METTL22: variants seen among roughly 807,000 people sequenced by gnomAD.
METTL22 encodes methyltransferase 22, Kin17 lysine.
METTL22 carries 51 observed loss-of-function variants against 48.4 expected under a neutral mutation model. The observed-to-expected ratio is 1.05, with a 90% CI of 0.84 to 1.33. METTL22 has a LOEUF of 1.33. METTL22 is among the 40% of genes most tolerant of loss of function. The pLI is 0.00. For missense variants in METTL22, 678 were observed against 526.9 expected (o/e 1.29, Z -2.81); for synonymous variants, 255 against 214.1 (o/e 1.19, Z -1.67).
chr16:8,666,252 C>T, the METTL22 span, among the ~76,000 whole-genome samples: 7 of 152,150 alleles, frequency 4.6e-5, no homozygotes, highest in Non-Finnish European at 1.0e-4. Context: ...CCTTGCTCCA[C>T]GGTGGGATAA....
intron 7 of METTL22, 108 bp from the exon 8 acceptor site, chr16:8,642,019 C>T (rs2056633449): frequency 2.4e-6 from 2 of 847,458 alleles, no homozygotes; most frequent in South Asian, 1.4e-5. Context: ...CACCGAGCTA[C>T]CCCCAGCCCT....
At chr16:8,630,553 T>C (rs2056223272) in intron 3 of METTL22, among the ~76,000 whole-genome samples, 1 of 152,128 alleles carries the variant, frequency 6.6e-6, no homozygotes, top group African/African-American at 2.4e-5. Flanking sequence ...CGACGATGGC[T>C]CATTTCCCTC....
chr16:8,635,438 G>A (rs1324694583), intron 5 of METTL22, 126 bp downstream of exon 5: 2 of 1,196,382 alleles, frequency 1.7e-6, no homozygotes, highest in African/African-American at 1.5e-5. Context: ...TGCCATCCTG[G>A]TCCCCTGGCC....
rs1197336769 is a variant in METTL22, at chr16:8,626,796, G to A, written c.133+998G>A. 1.4e-4 allele frequency among the ~76,000 whole-genome samples: 13 copies of A among 91,488 alleles called. No homozygotes were observed. In the Admixed American group the frequency reaches 1.6e-3, roughly 11 times the overall value. The allele number at this position is 91,488 out of a possible 152,430, so 60.0% of individuals were successfully genotyped here. On this transcript the variant is annotated intron_variant, in intron 2 of 10. Coordinates refer to ENST00000381920, the MANE Select transcript of METTL22 (RefSeq NM_024109.4). The stretch of plus-strand genomic sequence containing the variant: ...TTTTTTTTTTTTTTGAGGCAGTCTC[G>A]CTCCCTCACCCAGGCTGGAGTGCAG...
At chr16:8,632,331 C>T (rs1596342921) in intron 3 of METTL22, among the ~76,000 whole-genome samples, 1 of 152,190 alleles carries the variant, frequency 6.6e-6, no homozygotes, top group Admixed American at 6.5e-5. Flanking sequence ...CTTGGTCAGA[C>T]TCCCAAATGA....
intron 2 of METTL22, among the ~76,000 whole-genome samples, chr16:8,626,001 G>C (rs998956166): frequency 2.0e-5 from 3 of 151,986 alleles, no homozygotes; most frequent in East Asian, 1.9e-4. Flanking sequence ...TTTTGCTTTT[G>C]TTTTTGCTTT....
chr16:8,649,004 T>C lies in METTL22; in HGVS notation c.*2861T>C, dbSNP rs143180706. 2.0e-5 allele frequency: 3 copies of C among 152,294 alleles called. No homozygotes were observed. Among genetic ancestry groups the C allele is most frequent in the East Asian group, 1.9e-4 (1 of 5,178 alleles). The allele number at this position is 152,294 out of a possible 1,614,324, so 9.4% of individuals were successfully genotyped here. ...GCATTGCAGATCACTACAGGGAATA[T>C]TAATAATGAGTCTTCAAATCAGAAC... On this transcript the variant is annotated 3_prime_UTR_variant, in exon 11 of 11. Coordinates refer to ENST00000381920, the MANE Select transcript of METTL22 (RefSeq NM_024109.4).
In METTL22 at chr16:8,632,307, A is replaced by G. The variant is rs1181358384; in HGVS notation, c.515-2732A>G. On this transcript the variant is annotated intron_variant, in intron 3 of 10. Transcript: ENST00000381920. ...TGTTATCAGCATCAGCAGAAAGCAC[A>G]TCTTAGATCAGTTCTTGGTCAGACT... Among the ~76,000 whole-genome samples the G allele has an allele frequency of 5.3e-5, 8 of 152,198 alleles. No individual in the cohort carries two copies. The East Asian group carries it at 7.7e-4, about 15-fold the overall frequency.
At position 8,637,072 on chromosome 16, in the gene METTL22, A is replaced by G. The variant is rs569567824; in HGVS notation, c.700+1760A>G. On this transcript the variant is annotated intron_variant, in intron 5 of 10. Transcript: ENST00000381920. Reference sequence around the variant, plus strand: ...TATACCTGTTTACAAGAGAGTAGTGATCTCGTCAAGTGAACCTTGTTGTTA... The same window carrying G: ...TATACCTGTTTACAAGAGAGTAGTGGTCTCGTCAAGTGAACCTTGTTGTTA... 2.0e-5 allele frequency among the ~76,000 whole-genome samples: 3 copies of G among 152,294 alleles called. No homozygotes were observed. In the South Asian group the frequency reaches 6.2e-4, roughly 32 times the overall value.
chr16:8,646,152 C>T lies in METTL22; in HGVS notation c.*9C>T, dbSNP rs1164788192. 1.9e-6 allele frequency: 3 copies of T among 1,614,138 alleles called. No individual in the cohort carries two copies. Among genetic ancestry groups the T allele is most frequent in the Non-Finnish European group, 2.5e-6 (3 of 1,179,996 alleles). On this transcript the variant is annotated 3_prime_UTR_variant, in exon 11 of 11. Coordinates refer to ENST00000381920, the MANE Select transcript of METTL22 (RefSeq NM_024109.4). Reference sequence around the variant, plus strand: ...CAGAACCAGTAACATGACCCATCGCCTCCACAAGGCGCGGCGTCTCGACTG... The same window carrying T: ...CAGAACCAGTAACATGACCCATCGCTTCCACAAGGCGCGGCGTCTCGACTG...
the METTL22 span, among the ~76,000 whole-genome samples, chr16:8,662,630 G>A: frequency 6.9e-6 from 1 of 144,380 alleles, no homozygotes; most frequent in Non-Finnish European, 1.5e-5. Context: ...CACCAAGAAA[G>A]AGCATGAAGC....
chr16:8,650,333 A>G (rs528983101), downstream of METTL22, among the ~76,000 whole-genome samples: 1 of 151,694 alleles, frequency 6.6e-6, no homozygotes. Flanking sequence ...ATTTCTAAAG[A>G]AAAAAAAACC....
chr16:8,623,874 A>G (rs1369880944), intron 1 of METTL22: 1 of 152,202 alleles, frequency 6.6e-6, no homozygotes, highest in Non-Finnish European at 1.5e-5. Context: ...GGGGCCCTGA[A>G]GATTTCATGA....
At chr16:8,636,413 C>T (rs1192047322) in intron 5 of METTL22, among the ~76,000 whole-genome samples, 1 of 151,524 alleles carries the variant, frequency 6.6e-6, no homozygotes, top group Non-Finnish European at 1.5e-5. Flanking sequence ...CGGCGGGCAC[C>T]TGTAATCCCA....
the METTL22 span, among the ~76,000 whole-genome samples, chr16:8,660,638 G>A: frequency 1.3e-5 from 2 of 151,842 alleles, no homozygotes; most frequent in Non-Finnish European, 2.9e-5. Context: ...AGATAATTAT[G>A]TTTTAATGGT....
chr16:8,634,926 A>G (rs2056375067), intron 3 of METTL22, 113 bp from the exon 4 acceptor site: 2 of 1,412,600 alleles, frequency 1.4e-6, no homozygotes, highest in African/African-American at 1.4e-5. Flanking sequence ...GCCTCATTCC[A>G]ACCTCTGACG....
Position 8,642,569 on chromosome 16 carries a change from A to G in METTL22, c.1010+4A>G. 6.2e-7 allele frequency: 1 copy of G among 1,613,938 alleles called. No homozygotes were observed. Among genetic ancestry groups the G allele is most frequent in the Non-Finnish European group, 8.5e-7 (1 of 1,179,830 alleles). Reference sequence around the variant, plus strand: ...CCATACTGTCGGTGGAGAAGAGGTGAGCTTTGCGCCACGGGAACCGTGCTG... The same window carrying G: ...CCATACTGTCGGTGGAGAAGAGGTGGGCTTTGCGCCACGGGAACCGTGCTG... On this transcript the variant is annotated splice_donor_region_variant and intron_variant, in intron 9 of 10. Transcript: ENST00000381920.
chr16:8,621,974 G>C (rs2055866197), intron 1 of METTL22, among the ~76,000 whole-genome samples, 199 bp downstream of exon 1: 1 of 152,206 alleles, frequency 6.6e-6, no homozygotes, highest in Admixed American at 6.5e-5. Context: ...TTCCATCCTG[G>C]GTCCAGGCAC....
At position 8,642,902 on chromosome 16, in the gene METTL22, G is replaced by A. The variant is rs531894197; in HGVS notation, c.1010+337G>A. On this transcript the variant is annotated intron_variant, in intron 9 of 10. Coordinates refer to ENST00000381920, the MANE Select transcript of METTL22 (RefSeq NM_024109.4). ...CAACGCTTGGCCAGCACACACTGTT[G>A]AGAGCTTCTCTTCCTGAATGTTCTC... The A allele has an allele frequency of 3.9e-5, 11 of 281,862 alleles. 1 individual carries two copies. The South Asian group carries it at 4.5e-4, about 11-fold the overall frequency. The allele number at this position is 281,862 out of a possible 1,614,324, so 17.5% of individuals were successfully genotyped here. A position where few individuals can be genotyped will look rare whatever the true frequency, so the allele number is the denominator to read the frequency against.
Sources: allele counts gnomAD v4.1 joint callset (sites outside exome capture counted in the v4.1 genomes callset), GRCh38; gene constraint gnomAD v4.1.1; transcripts MANE v1.5; gene names NCBI Gene and HGNC (gene_info 2026-07-23, HGNC 2026-07-21).